PDSS2: variants seen among roughly 807,000 people sequenced by gnomAD.
The protein encoded by PDSS2 is decaprenyl diphosphate synthase subunit 2.
A neutral mutation model predicts 44.5 loss-of-function variants in PDSS2; 31 were observed. The ratio of observed to expected loss-of-function variants is 0.70; its 90% confidence interval spans 0.52 to 0.94. The LOEUF is 0.94. PDSS2 is among the 40% of genes least tolerant of loss of function. The pLI, the probability that PDSS2 is intolerant of heterozygous loss-of-function variation, is 0.00. For synonymous variants in PDSS2, 157 were observed against 180.3 expected (o/e 0.87, Z 1.03); for missense variants, 452 against 482.2 (o/e 0.94, Z 0.59).
At chr6:107,358,527 C>T (rs1045898868) in intron 1 of PDSS2, among the ~76,000 whole-genome samples, 2 of 152,124 alleles carry the variant, frequency 1.3e-5, no homozygotes, top group African/African-American at 4.8e-5. Context: ...TTATTCTACA[C>T]TTCTTGTGCC....
intron 4 of PDSS2, among the ~76,000 whole-genome samples, chr6:107,214,452 A>G (rs1292341725): frequency 6.6e-6 from 1 of 152,036 alleles, no homozygotes; most frequent in African/African-American, 2.4e-5. Context: ...ACAACACCTC[A>G]CTAGCCACAA....
intron 1 of PDSS2, among the ~76,000 whole-genome samples, chr6:107,424,048 T>A (rs1309334414): frequency 4.8e-5 from 7 of 145,632 alleles, no homozygotes; most frequent in South Asian, 2.2e-4. Context: ...TTTTTTTTTT[T>A]TTTTTTTTTT....
At chr6:107,267,649 A>G (rs1315851686) in intron 3 of PDSS2, among the ~76,000 whole-genome samples, 3 of 148,228 alleles carry the variant, frequency 2.0e-5, no homozygotes, top group African/African-American at 7.5e-5. Context: ...ACAGTGGTGC[A>G]TTCATAGCTC....
At chr6:107,236,627 T>C (rs566506231) in intron 4 of PDSS2, among the ~76,000 whole-genome samples, 3 of 152,344 alleles carry the variant, frequency 2.0e-5, no homozygotes, top group East Asian at 3.9e-4. Flanking sequence ...CACTGTTCCT[T>C]TACTTCTATG....
At chr6:107,312,451 G>A (rs1253108496) in intron 2 of PDSS2, among the ~76,000 whole-genome samples, 1 of 152,156 alleles carries the variant, frequency 6.6e-6, no homozygotes, top group Non-Finnish European at 1.5e-5. Flanking sequence ...TAAACTTCCT[G>A]AGTTCAAACC....
intron 1 of PDSS2, among the ~76,000 whole-genome samples, chr6:107,418,914 A>G (rs62428373): frequency 0.15 from 23,268 of 152,216 alleles, 2,405 homozygotes; most frequent in Middle Eastern, 0.26. Flanking sequence ...GTAATATTTC[A>G]TATCAATTCT....
chr6:107,180,969 T>A (rs1771954434), intron 7 of PDSS2, among the ~76,000 whole-genome samples: 1 of 152,080 alleles, frequency 6.6e-6, no homozygotes, highest in South Asian at 2.1e-4. Flanking sequence ...CTCAGCCTCC[T>A]CAGTAGCTGG....
At position 107,459,227 on chromosome 6, in the gene PDSS2, G is replaced by C; in HGVS notation, c.59C>G (p.Pro20Arg). ...GGACGGGGACCACCACAGGCGACGC[G>C]GGGAACCCGAGGCTCCAAGATAACG... is the stretch of plus-strand genomic sequence containing the variant. ...LPRYLGASGS[P>R]RRLWWSPSLD... Residue 20 changes from proline (P) to arginine (R), a missense_variant, in exon 1 of 8, where the codon CCG becomes CGG. Transcript: ENST00000369037. This position sits in a 1 kb window ranked among gnomAD's most constrained non-coding sequence, Gnocchi z 4.3. 1 of 1,614,124 alleles carries C rather than the reference G, an allele frequency of 6.2e-7. No individual in the cohort carries two copies. The highest frequency in any genetic ancestry group is 8.5e-7 in the Non-Finnish European group (1 of 1,180,004).
At chr6:107,365,550 A>G (rs1778935828) in intron 1 of PDSS2, among the ~76,000 whole-genome samples, 1 of 152,174 alleles carries the variant, frequency 6.6e-6, no homozygotes, top group Non-Finnish European at 1.5e-5. Flanking sequence ...TGGACAAAAC[A>G]ACCCACTTAA....
At chr6:107,411,647 C>T (rs758048878) in intron 1 of PDSS2, among the ~76,000 whole-genome samples, 2 of 151,994 alleles carry the variant, frequency 1.3e-5, no homozygotes, top group East Asian at 3.9e-4. Flanking sequence ...TGTCATTATT[C>T]CCTAAACAAT....
chr6:107,442,529 G>A (rs1055904342), intron 1 of PDSS2, among the ~76,000 whole-genome samples: 3 of 152,168 alleles, frequency 2.0e-5, no homozygotes, highest in African/African-American at 7.2e-5. Context: ...AAACCCCTAT[G>A]GCTTTAAATC....
At chr6:107,303,775 C>T (rs1776773291) in intron 2 of PDSS2, among the ~76,000 whole-genome samples, 2 of 152,196 alleles carry the variant, frequency 1.3e-5, no homozygotes, top group Admixed American at 6.5e-5. Flanking sequence ...CTGCACCGAA[C>T]ATCTTCATAC....
At chr6:107,291,873 A>AGGCTGCC (rs1776360923) in intron 2 of PDSS2, among the ~76,000 whole-genome samples, 1 of 152,074 alleles carries the variant, frequency 6.6e-6, no homozygotes, top group African/African-American at 2.4e-5. Context: ...AGAAAAAAGA[A>AGGCTGCC]AAATGCCAAG....
intron 1 of PDSS2, among the ~76,000 whole-genome samples, chr6:107,410,379 G>A (rs890695855): frequency 2.5e-4 from 38 of 152,196 alleles, no homozygotes; most frequent in African/African-American, 8.9e-4. Context: ...TGAATCCACA[G>A]GTGCATGTGC....
At chr6:107,346,975 A>G (rs1319835444) in intron 1 of PDSS2, among the ~76,000 whole-genome samples, 1 of 152,192 alleles carries the variant, frequency 6.6e-6, no homozygotes, top group East Asian at 1.9e-4. Flanking sequence ...TTGGTGGCCC[A>G]TGAACCAGGG....
At chr6:107,315,902 T>C (rs952746420) in intron 2 of PDSS2, among the ~76,000 whole-genome samples, 3 of 152,206 alleles carry the variant, frequency 2.0e-5, no homozygotes, top group Non-Finnish European at 4.4e-5. Context: ...CGGGATCATT[T>C]ACCTCAGATT....
intron 3 of PDSS2, among the ~76,000 whole-genome samples, chr6:107,267,991 C>T (rs1775466784): frequency 6.6e-6 from 1 of 152,150 alleles, no homozygotes; most frequent in African/African-American, 2.4e-5. Flanking sequence ...TACCATACTA[C>T]TTTCTCCCTT....
chr6:107,226,978 A>C, intron 4 of PDSS2, among the ~76,000 whole-genome samples: 2 of 146,024 alleles, frequency 1.4e-5, no homozygotes, highest in Admixed American at 6.9e-5. Context: ...GCCCAGCCAA[A>C]CCCAGCCTTT....
intron 4 of PDSS2, among the ~76,000 whole-genome samples, chr6:107,220,648 A>G (rs965774332): frequency 3.3e-5 from 5 of 152,132 alleles, no homozygotes; most frequent in East Asian, 1.9e-4. Context: ...TTTATTATTC[A>G]TCATTTCTAC....
Sources: gnomAD v4.1 joint callset for allele counts (sites outside exome capture counted in the v4.1 genomes callset) on GRCh38, gnomAD v4.1.1 for gene constraint, Gnocchi (gnomAD v3.1) non-coding constraint, MANE v1.5 for transcripts, NCBI Gene and HGNC (gene_info 2026-07-23, HGNC 2026-07-21) for gene names.